VAT1L: variants seen among roughly 807,000 people sequenced by gnomAD.
VAT1L encodes the protein vesicle amine transport 1 like.
In VAT1L, 34 loss-of-function variants were observed where a neutral mutation model predicts 44.1. The observed-to-expected ratio is 0.77, with a 90% CI of 0.59 to 1.03. VAT1L has a LOEUF of 1.03. Among genes scored for constraint, VAT1L ranks in the 50% least tolerant of loss-of-function variants. The pLI is 0.00. For missense variants in VAT1L, 615 were observed against 538.8 expected (o/e 1.14, Z -1.40); for synonymous variants, 253 against 202.2 (o/e 1.25, Z -2.13).
At chr16:77,947,669 A>G (rs368520070) in intron 7 of VAT1L, among the ~76,000 whole-genome samples, 2 of 152,344 alleles carry the variant, frequency 1.3e-5, no homozygotes, top group East Asian at 3.9e-4. Flanking sequence ...ACTCACGCCC[A>G]GTCCCCTGAA....
intron 7 of VAT1L, among the ~76,000 whole-genome samples, chr16:77,948,136 C>G (rs34777784): frequency 0.22 from 33,792 of 152,088 alleles, 4,943 homozygotes; most frequent in Non-Finnish European, 0.31. Flanking sequence ...ACTCACATGC[C>G]TCTTCATTCA....
chr16:77,890,225 A>C (rs1166223827), intron 7 of VAT1L, among the ~76,000 whole-genome samples: 1 of 152,122 alleles, frequency 6.6e-6, no homozygotes, highest in East Asian at 1.9e-4. Flanking sequence ...CAGGAGGCAC[A>C]GCATGAACAA....
rs146131227 is a variant in VAT1L at position 77,900,839 on chromosome 16, C to T, written c.1077+16037C>T. Among the ~76,000 whole-genome samples the T allele has an allele frequency of 6.6e-3, 1,005 of 152,280 alleles. 4 individuals are homozygous for T. The highest frequency in any genetic ancestry group is 0.01 in the Middle Eastern group (3 of 294). On this transcript the variant is annotated intron_variant, in intron 7 of 8. Transcript: ENST00000302536. ...CTTTTCCCTCTCTGACCACCACTCC[C>T]CCCGCAACCAGTTGTCATTATAAAT...
intron 7 of VAT1L, among the ~76,000 whole-genome samples, chr16:77,914,908 C>A (rs2017536506): frequency 6.6e-6 from 1 of 152,148 alleles, no homozygotes; most frequent in African/African-American, 2.4e-5. Context: ...GGCGGATCAC[C>A]TGAGGTCGGG....
chr16:77,863,947 A>T (rs534880464), intron 4 of VAT1L, among the ~76,000 whole-genome samples: 2 of 152,306 alleles, frequency 1.3e-5, no homozygotes, highest in African/African-American at 4.8e-5. Flanking sequence ...CTGGTGGTGC[A>T]GAGGGGATGG....
intron 7 of VAT1L, among the ~76,000 whole-genome samples, chr16:77,910,732 A>T (rs74251648): frequency 0.082 from 12,485 of 151,756 alleles, 665 homozygotes; most frequent in South Asian, 0.17. Flanking sequence ...AGGCATCAAA[A>T]CATTTAAAAG....
At chr16:77,908,896 A>G (rs1480912232) in intron 7 of VAT1L, among the ~76,000 whole-genome samples, 2 of 152,198 alleles carry the variant, frequency 1.3e-5, no homozygotes, top group African/African-American at 4.8e-5. Flanking sequence ...CCTGGGCGAC[A>G]GAGCAAGACC....
rs145252710 is a variant in VAT1L, at chr16:77,917,812, T to C, written c.1077+33010T>C. On this transcript the variant is annotated intron_variant, in intron 7 of 8. Transcript: ENST00000302536. ...GGAGAGTGTATGATTTCTTCTGCCT[T>C]TGAGGGGAAGATACATGATTTACAA... 3.0e-4 allele frequency among the ~76,000 whole-genome samples: 45 copies of C among 152,286 alleles called. No homozygotes were observed. In the East Asian group the frequency reaches 6.4e-3, roughly 22 times the overall value.
chr16:77,920,935 G>C (rs1205204731), intron 7 of VAT1L, among the ~76,000 whole-genome samples: 1 of 151,758 alleles, frequency 6.6e-6, no homozygotes, highest in Non-Finnish European at 1.5e-5. Context: ...GACTGTGTGT[G>C]TGTGTGTGTG....
intron 7 of VAT1L, among the ~76,000 whole-genome samples, chr16:77,911,013 C>T (rs1019399820): frequency 2.6e-5 from 4 of 152,154 alleles, no homozygotes; most frequent in African/African-American, 9.7e-5. Flanking sequence ...GGGATCTGAA[C>T]CCATGCAACC....
intron 3 of VAT1L, among the ~76,000 whole-genome samples, chr16:77,849,061 G>A (rs2016783621): frequency 6.6e-6 from 1 of 152,078 alleles, no homozygotes; most frequent in African/African-American, 2.4e-5. Flanking sequence ...ACTAGGGGAG[G>A]GATAGCATTA....
chr16:77,880,751 GC>G (rs200487115), intron 6 of VAT1L, among the ~76,000 whole-genome samples: 5 of 150,326 alleles, frequency 3.3e-5, no homozygotes, highest in South Asian at 2.1e-4. Context: ...TTCAACCCCT[GC>G]CCCCCTCCCA....
intron 1 of VAT1L, among the ~76,000 whole-genome samples, chr16:77,808,036 G>A (rs1188285206): frequency 6.6e-6 from 1 of 151,704 alleles, no homozygotes; most frequent in Non-Finnish European, 1.5e-5. Context: ...GGCTCCCTGG[G>A]CCACAGACCA....
intron 8 of VAT1L, among the ~76,000 whole-genome samples, chr16:77,973,610 T>C (rs1597129045): frequency 6.6e-6 from 1 of 150,904 alleles, no homozygotes; most frequent in South Asian, 2.1e-4. Flanking sequence ...AGAAAAAATA[T>C]TCGGGAAGTG....
At chr16:77,896,294 G>A (rs1291250589) in intron 7 of VAT1L, among the ~76,000 whole-genome samples, 1 of 152,092 alleles carries the variant, frequency 6.6e-6, no homozygotes, top group South Asian at 2.1e-4. Flanking sequence ...CGACTCTTCC[G>A]TAAAACCATT....
At chr16:77,949,187 A>G (rs1280165225) in intron 7 of VAT1L, among the ~76,000 whole-genome samples, 1 of 152,200 alleles carries the variant, frequency 6.6e-6, no homozygotes, top group Non-Finnish European at 1.5e-5. Flanking sequence ...GCAGTGACAG[A>G]GTGGAGACAA....
intron 3 of VAT1L, among the ~76,000 whole-genome samples, chr16:77,861,411 A>G (rs1358169195): frequency 6.6e-6 from 1 of 152,224 alleles, no homozygotes; most frequent in Non-Finnish European, 1.5e-5. Context: ...CGATATGGAA[A>G]AATAAACCTG....
At chr16:77,971,745 A>G in intron 7 of VAT1L, 105 bp from the exon 8 acceptor site, 1 of 1,217,890 alleles carries the variant, frequency 8.2e-7, no homozygotes, top group Non-Finnish European at 1.2e-6. Context: ...CTTGAGCCGC[A>G]GCGCCCTCTG....
intron 7 of VAT1L, among the ~76,000 whole-genome samples, chr16:77,908,228 G>C (rs2017459246): frequency 1.4e-5 from 2 of 145,156 alleles, no homozygotes; most frequent in African/African-American, 2.5e-5. Context: ...GACAGAGTGA[G>C]ACTCTGTCTC....
Sources: allele counts gnomAD v4.1 joint callset (sites outside exome capture counted in the v4.1 genomes callset), GRCh38; gene constraint gnomAD v4.1.1; transcripts MANE v1.5; gene names NCBI Gene and HGNC (gene_info 2026-07-23, HGNC 2026-07-21).